The following CACNA1D variants were observed in gnomAD, a reference collection of about 807,000 sequenced individuals.
The protein encoded by CACNA1D is calcium voltage-gated channel subunit alpha1 D.
A neutral mutation model predicts 257.1 loss-of-function variants in CACNA1D; 55 were observed. The observed-to-expected ratio is 0.21, with a 90% CI of 0.17 to 0.27. The LOEUF (loss-of-function observed/expected upper bound fraction) is 0.27. CACNA1D is among the 10% of genes least tolerant of loss of function. The pLI is 1.00. For synonymous variants in CACNA1D, 980 were observed against 1,014.9 expected (o/e 0.97, Z 0.65); for missense variants, 1,876 against 2,784.0 (o/e 0.67, Z 7.34).
chr3:53,788,808 C>T (rs992709514), intron 40 of CACNA1D, among the ~76,000 whole-genome samples: 2 of 152,180 alleles, frequency 1.3e-5, no homozygotes, highest in Non-Finnish European at 2.9e-5. Flanking sequence ...TCCTAATTTA[C>T]AGCCAGCAGG....
intron 3 of CACNA1D, among the ~76,000 whole-genome samples, chr3:53,608,862 A>G (rs1213817277): frequency 1.3e-5 from 2 of 152,276 alleles, no homozygotes; most frequent in East Asian, 1.9e-4. Flanking sequence ...TCCTTTTGAT[A>G]TATTATTGAA....
chr3:53,740,941 C>T (rs1159453645), intron 21 of CACNA1D, among the ~76,000 whole-genome samples: 2 of 152,158 alleles, frequency 1.3e-5, no homozygotes, highest in African/African-American at 4.8e-5. Context: ...ATAGGATTTG[C>T]AAGATGACTT....
chr3:53,644,102 T>C (rs2093993669), intron 3 of CACNA1D, among the ~76,000 whole-genome samples: 1 of 152,228 alleles, frequency 6.6e-6, no homozygotes, highest in African/African-American at 2.4e-5. Flanking sequence ...TGACAGGCCT[T>C]GGGAATGCAA....
At chr3:53,766,504 T>C (rs1367005290) in intron 30 of CACNA1D, among the ~76,000 whole-genome samples, 1 of 152,252 alleles carries the variant, frequency 6.6e-6, no homozygotes, top group African/African-American at 2.4e-5. Flanking sequence ...TCTCAGCTCT[T>C]CCAAGCACAG....
At chr3:53,559,519 T>C (rs974453038) in intron 3 of CACNA1D, among the ~76,000 whole-genome samples, 2 of 152,240 alleles carry the variant, frequency 1.3e-5, no homozygotes, top group Non-Finnish European at 2.9e-5. Flanking sequence ...CTCTGGGCTA[T>C]GTTTCTGACT....
chr3:53,587,968 C>T (rs956775829), intron 3 of CACNA1D, among the ~76,000 whole-genome samples: 7 of 152,116 alleles, frequency 4.6e-5, no homozygotes, highest in African/African-American at 1.7e-4. Context: ...TCAAGTGGTT[C>T]TGCCCAAATT....
intron 3 of CACNA1D, among the ~76,000 whole-genome samples, chr3:53,575,018 G>A (rs566636867): frequency 1.4e-4 from 22 of 152,386 alleles, no homozygotes; most frequent in African/African-American, 4.6e-4. Flanking sequence ...GCACATCTAA[G>A]TGTTCGAGGT....
intron 20 of CACNA1D, among the ~76,000 whole-genome samples, chr3:53,738,751 T>G (rs531912713): frequency 1.3e-5 from 2 of 152,190 alleles, no homozygotes; most frequent in Admixed American, 1.3e-4. Flanking sequence ...CTTAGCCGAA[T>G]TCTTAGTTTA....
At chr3:53,806,061 CCCT>C (rs1480726147) in intron 45 of CACNA1D, among the ~76,000 whole-genome samples, 1 of 141,600 alleles carries the variant, frequency 7.1e-6, no homozygotes, top group Non-Finnish European at 1.5e-5. Flanking sequence ...TCCTCCTCCT[CCCT>C]CATTTTCTCT....
intron 17 of CACNA1D, among the ~76,000 whole-genome samples, chr3:53,731,631 CAT>C (rs1346580489): frequency 6.6e-6 from 1 of 152,184 alleles, no homozygotes. Flanking sequence ...GAGTGGCTAT[CAT>C]GTATCAGACA....
chr3:53,631,444 C>A lies in CACNA1D; in HGVS notation c.484-19335C>A, dbSNP rs543385049. Among the ~76,000 whole-genome samples the A allele has an allele frequency of 3.9e-5, 6 of 152,332 alleles. No individual in the cohort carries two copies. The South Asian group carries it at 1.2e-3, about 32-fold the overall frequency. On this transcript the variant is annotated intron_variant, in intron 3 of 47. Transcript: ENST00000350061. Reference sequence around the variant, plus strand: ...TCAATCTTCACTTCTAATACTTATTCTTTGCTATTTCCACCATGTCTACAG... The same window carrying A: ...TCAATCTTCACTTCTAATACTTATTATTTGCTATTTCCACCATGTCTACAG...
At chr3:53,713,340 T>A (rs2094781023) in intron 9 of CACNA1D, among the ~76,000 whole-genome samples, 1 of 152,206 alleles carries the variant, frequency 6.6e-6, no homozygotes, top group East Asian at 1.9e-4. Flanking sequence ...TGTCACCTGA[T>A]GATAAGCACC....
rs1453700199 is a variant in CACNA1D at position 53,767,047 on chromosome 3, C to T, written c.3871-2926C>T. ...GGATGGAGTCTAATCGCTCTCTCTT[C>T]ATCCGTGTACTGTTCCCTCGTCAAC... On this transcript the variant is annotated intron_variant, in intron 30 of 47. Transcript: ENST00000350061. Among the ~76,000 whole-genome samples, 3 of 152,304 alleles carry T rather than the reference C, an allele frequency of 2.0e-5. No homozygotes were observed. The East Asian group carries it at 5.8e-4, about 29-fold the overall frequency.
Position 53,600,552 on chromosome 3 carries a change from T to C in CACNA1D, c.484-50227T>C, listed in dbSNP as rs574142061. On this transcript the variant is annotated intron_variant, in intron 3 of 47. Transcript: ENST00000350061. ...TGCCCAAAGACGTGCAGCTAGTAAA[T>C]GGCAGAACTGGGATTTGAATTCTTG... 2.6e-5 allele frequency among the ~76,000 whole-genome samples: 4 copies of C among 152,202 alleles called. No individual in the cohort carries two copies. The South Asian group carries it at 6.2e-4, about 24-fold the overall frequency.
At chr3:53,762,727 C>G (rs2095310679) in intron 30 of CACNA1D, 1 of 399,082 alleles carries the variant, frequency 2.5e-6, no homozygotes, top group Non-Finnish European at 5.0e-6. Flanking sequence ...TCTCCACACA[C>G]TTTAGAAATC....
At chr3:53,496,895 A>C (rs2090374715) in intron 1 of CACNA1D, among the ~76,000 whole-genome samples, 1 of 152,178 alleles carries the variant, frequency 6.6e-6, no homozygotes, top group African/African-American at 2.4e-5. Flanking sequence ...ACATGATGTG[A>C]AGGAGTACTA....
rs552487088 is a variant in CACNA1D at position 53,533,470 on chromosome 3, T to C, written c.483+31750T>C. Reference sequence around the variant, plus strand: ...TATCAGATGGTCTTTGCAGCTCATTTTTCTGTCTTCTTCTGTGTGGTCAGA... The same window carrying C: ...TATCAGATGGTCTTTGCAGCTCATTCTTCTGTCTTCTTCTGTGTGGTCAGA... On this transcript the variant is annotated intron_variant, in intron 3 of 47. Transcript: ENST00000350061. Among the ~76,000 whole-genome samples, 186 of 152,366 alleles carry C rather than the reference T, an allele frequency of 1.2e-3. 1 individual carries two copies. Among genetic ancestry groups the C allele is most frequent in the African/African-American group, 4.3e-3 (177 of 41,590 alleles).
chr3:53,725,207 C>T (rs1045198814), intron 14 of CACNA1D, among the ~76,000 whole-genome samples: 4 of 152,184 alleles, frequency 2.6e-5, no homozygotes, highest in Non-Finnish European at 5.9e-5. Context: ...GACAGGAGCT[C>T]ACTGTACGTG....
chr3:53,705,141 A>G (rs2094673170), intron 9 of CACNA1D, among the ~76,000 whole-genome samples: 1 of 152,096 alleles, frequency 6.6e-6, no homozygotes, highest in African/African-American at 2.4e-5. Flanking sequence ...AGCTGATCCC[A>G]TTGTTAAGGC....
Sources: allele counts gnomAD v4.1 joint callset (sites outside exome capture counted in the v4.1 genomes callset), GRCh38; gene constraint gnomAD v4.1.1; transcripts MANE v1.5; gene names NCBI Gene and HGNC (gene_info 2026-07-23, HGNC 2026-07-21).